ZMYM2: variants seen among roughly 807,000 people sequenced by gnomAD.
ZMYM2 encodes zinc finger MYM-type protein 2.
Under a neutral mutation model 162.8 loss-of-function variants are expected in ZMYM2, and 56 were observed. The observed-to-expected ratio is 0.34, with a 90% CI of 0.28 to 0.43. The LOEUF (loss-of-function observed/expected upper bound fraction) is 0.43, where lower values mean the gene tolerates loss of function less well. Among genes scored for constraint, ZMYM2 ranks in the 20% least tolerant of loss-of-function variants. ZMYM2 has a pLI of 1.00. For synonymous variants in ZMYM2, 510 were observed against 541.6 expected (o/e 0.94, Z 0.81); for missense variants, 1,275 against 1,621.8 (o/e 0.79, Z 3.67).
intron 17 of ZMYM2, 80 bp downstream of exon 17, chr13:20,061,304 C>A: frequency 6.8e-7 from 1 of 1,464,654 alleles, no homozygotes; most frequent in Non-Finnish European, 9.1e-7. Flanking sequence ...CTTTCCAGGG[C>A]ATATCATTTT....
chr13:19,963,919 T>C (rs968824518), intron 2 of ZMYM2, among the ~76,000 whole-genome samples: 17 of 152,224 alleles, frequency 1.1e-4, no homozygotes, highest in African/African-American at 3.1e-4. Context: ...AGTCCTGTTT[T>C]ATTTTTAACT....
At chr13:19,878,798 G>T in the ZMYM2 span, among the ~76,000 whole-genome samples, 1 of 152,088 alleles carries the variant, frequency 6.6e-6, no homozygotes, top group African/African-American at 2.4e-5. Flanking sequence ...CAGGCATGAG[G>T]CACTGTGCCC....
the ZMYM2 span, among the ~76,000 whole-genome samples, chr13:19,926,602 G>A: frequency 6.6e-6 from 1 of 152,094 alleles, no homozygotes; most frequent in Non-Finnish European, 1.5e-5. Context: ...GTCCTCAAGT[G>A]ATCCACCCAC....
At chr13:19,929,273 C>T in the ZMYM2 span, among the ~76,000 whole-genome samples, 1 of 151,536 alleles carries the variant, frequency 6.6e-6, no homozygotes, top group African/African-American at 2.4e-5. Context: ...GAGGCTCACT[C>T]TGTCGCCCAG....
At chr13:19,970,467 T>C (rs1409341986) in intron 2 of ZMYM2, among the ~76,000 whole-genome samples, 1 of 152,100 alleles carries the variant, frequency 6.6e-6, no homozygotes, top group Non-Finnish European at 1.5e-5. Context: ...GTTTCATCTT[T>C]TGAGGAAGTT....
At chr13:19,864,105 C>T in the ZMYM2 span, 5 of 152,436 alleles carry the variant, frequency 3.3e-5, no homozygotes, top group Admixed American at 2.0e-4. Flanking sequence ...GAGCGGCGGC[C>T]TGGATGCCCC....
the ZMYM2 span, among the ~76,000 whole-genome samples, chr13:19,886,599 C>T: frequency 2.0e-5 from 3 of 151,808 alleles, no homozygotes; most frequent in Non-Finnish European, 2.9e-5. Flanking sequence ...ATTGAAGAAG[C>T]TGGACAATTT....
At chr13:19,996,967 G>C (rs1950063089) in intron 3 of ZMYM2, among the ~76,000 whole-genome samples, 1 of 152,170 alleles carries the variant, frequency 6.6e-6, no homozygotes, top group East Asian at 1.9e-4. Flanking sequence ...CTGGGAGTTG[G>C]AGACTGTAGT....
rs1054350995 is a variant in ZMYM2 at position 20,083,527 on chromosome 13, C to T, written c.3821-129C>T. ...CTTTTGTTTGAAAAATTGTACATTA[C>T]CAGAAGCCATAACTTAAAACTCCAA... On this transcript the variant is annotated intron_variant, in intron 23 of 24. Coordinates refer to ENST00000610343, the MANE Select transcript of ZMYM2 (RefSeq NM_197968.4). The T allele has an allele frequency of 4.4e-6, 3 of 687,566 alleles. No homozygotes were observed. The East Asian group carries it at 8.5e-5, about 19-fold the overall frequency. 42.6% of individuals were successfully genotyped at this position (687,566 alleles called of 1,614,324 possible).
rs1257101868 is a variant in ZMYM2, at chr13:20,087,974, T to A, written c.*1960T>A. ...GTCTTCAAAGTGGTGCTATATTCCA[T>A]CAAGAGCAATAAAGTTTTTCCCAGG... On this transcript the variant is annotated 3_prime_UTR_variant, in exon 25 of 25. Transcript: ENST00000610343. The A allele has an allele frequency of 5.1e-6, 1 of 195,330 alleles. No homozygotes were observed. The highest frequency in any genetic ancestry group is 1.1e-5 in the Non-Finnish European group (1 of 93,816). 12.1% of individuals were successfully genotyped at this position (195,330 alleles called of 1,614,324 possible).
At chr13:19,909,791 A>G in the ZMYM2 span, among the ~76,000 whole-genome samples, 16 of 152,056 alleles carry the variant, frequency 1.1e-4, no homozygotes, top group East Asian at 3.1e-3. Context: ...CTAAAGTGCA[A>G]CCCAGGAGGA....
the ZMYM2 span, among the ~76,000 whole-genome samples, chr13:19,882,516 G>A: frequency 6.6e-6 from 1 of 152,152 alleles, no homozygotes; most frequent in South Asian, 2.1e-4. Context: ...GGAGACTAAG[G>A]TGGGTGGATC....
At chr13:19,914,242 C>T in the ZMYM2 span, among the ~76,000 whole-genome samples, 1 of 152,204 alleles carries the variant, frequency 6.6e-6, no homozygotes, top group African/African-American at 2.4e-5. Flanking sequence ...TGTGAATGCT[C>T]ACTAAAGAGT....
the ZMYM2 span, among the ~76,000 whole-genome samples, chr13:19,934,767 C>CTTTT: frequency 2.0e-5 from 3 of 147,352 alleles, no homozygotes; most frequent in Admixed American, 6.7e-5. Flanking sequence ...TTCTTTCTTT[C>CTTTT]TTTCTTTTTT....
At chr13:19,953,072 T>C in the ZMYM2 span, among the ~76,000 whole-genome samples, 1 of 152,292 alleles carries the variant, frequency 6.6e-6, no homozygotes, top group East Asian at 1.9e-4. Flanking sequence ...CTTGATGTTA[T>C]GACATAGCAA....
In ZMYM2 at chr13:20,083,047, T is replaced by G; in HGVS notation, c.3820+15T>G. ...AGATAATGAAGGTAGTGTAACAGAT[T>G]TCTATTTTTATTTTTATTTTTAAAT... is the stretch of plus-strand genomic sequence containing the variant. On this transcript the variant is annotated intron_variant, in intron 23 of 24. Transcript: ENST00000610343. 4 of 1,502,120 alleles carry G rather than the reference T, an allele frequency of 2.7e-6. No homozygotes were observed. The highest frequency in any genetic ancestry group is 2.6e-5 in the South Asian group (2 of 76,812). 93.0% of individuals were successfully genotyped at this position (1,502,120 alleles called of 1,614,324 possible).
chr13:19,884,932 G>C, the ZMYM2 span, among the ~76,000 whole-genome samples: 1 of 152,160 alleles, frequency 6.6e-6, no homozygotes, highest in African/African-American at 2.4e-5. Flanking sequence ...CCATTTTACA[G>C]AGTGCTGATT....
At chr13:20,036,277 T>C (rs1566360734) in intron 11 of ZMYM2, among the ~76,000 whole-genome samples, 2 of 151,800 alleles carry the variant, frequency 1.3e-5, no homozygotes, top group African/African-American at 4.8e-5. Flanking sequence ...TGTTTTTTTT[T>C]CTGAAGGTCC....
In ZMYM2 at chr13:20,061,213, CCAA is replaced by C; in HGVS notation, c.2903_2905del (p.Asn968del). Reference sequence around the variant, plus strand: ...GAAGACGAGGGGAAAACAGAGACAACCAACATCAACAGTGAGCTACACTAAATT... The same window carrying C: ...GAAGACGAGGGGAAAACAGAGACAACCATCAACAGTGAGCTACACTAAATT... On this transcript the variant is annotated inframe_deletion, in exon 17 of 25. Transcript: ENST00000610343. The C allele has an allele frequency of 1.9e-6, 3 of 1,613,538 alleles. No homozygotes were observed. The highest frequency in any genetic ancestry group is 2.5e-6 in the Non-Finnish European group (3 of 1,179,752).
Sources: allele counts gnomAD v4.1 joint callset (sites outside exome capture counted in the v4.1 genomes callset), GRCh38; gene constraint gnomAD v4.1.1; transcripts MANE v1.5; gene names NCBI Gene and HGNC (gene_info 2026-07-23, HGNC 2026-07-21).